The following PCSK5 variants were observed in gnomAD, a reference collection of about 807,000 sequenced individuals.
The protein encoded by PCSK5 is prohormone convertase 5.
A neutral mutation model predicts 233.2 loss-of-function variants in PCSK5; 129 were observed. The observed-to-expected ratio is 0.55, with a 90% confidence interval of 0.48 to 0.64. PCSK5 has a LOEUF of 0.64. PCSK5 is among the 30% of genes least tolerant of loss of function. The pLI is 0.00. For missense variants in PCSK5, 2,076 were observed against 2,430.1 expected, an observed-to-expected ratio of 0.85 and a Z score of 3.06; for synonymous variants, 825 against 879.2, an observed-to-expected ratio of 0.94 and a Z score of 1.09.
At chr9:75,992,814 G>A (rs1019311828) in intron 3 of PCSK5, among the ~76,000 whole-genome samples, 3 of 151,996 alleles carry the variant, frequency 2.0e-5, no homozygotes, top group African/African-American at 7.2e-5. Flanking sequence ...GCACTACCTC[G>A]GATTTCATGA....
chr9:76,335,563 A>G (rs1416738434), intron 34 of PCSK5, among the ~76,000 whole-genome samples: 1 of 152,188 alleles, frequency 6.6e-6, no homozygotes, highest in African/African-American at 2.4e-5. Flanking sequence ...ATGCTCTTCA[A>G]GGCTGGGAGG....
chr9:76,327,518 G>A (rs1277851472), intron 32 of PCSK5, among the ~76,000 whole-genome samples: 1 of 152,082 alleles, frequency 6.6e-6, no homozygotes, highest in Non-Finnish European at 1.5e-5. Flanking sequence ...CCCTCTCATA[G>A]GCACTATGTA....
rs1827639395 is a variant in PCSK5 at position 76,009,618 on chromosome 9, T to C, written c.412-14120T>C. On this transcript the variant is annotated intron_variant, in intron 3 of 37. Coordinates refer to ENST00000674117, the MANE Select transcript of PCSK5 (RefSeq NM_001372043.1). ...CTCCAGCCTGGCGACAGAGCGAGAC[T>C]CCGTCTCAAGGAAAAAAAAAAAAAC... Among the ~76,000 whole-genome samples the C allele has an allele frequency of 4.7e-5, 7 of 147,642 alleles. No individual in the cohort carries two copies. The South Asian group carries it at 1.5e-3, about 32-fold the overall frequency.
At chr9:76,235,480 T>TA (rs1826224885) in intron 22 of PCSK5, among the ~76,000 whole-genome samples, 1 of 150,398 alleles carries the variant, frequency 6.6e-6, no homozygotes. Context: ...ACATTTCTTC[T>TA]ATTTTTTTTT....
chr9:76,098,284 C>T (rs1007588976), intron 8 of PCSK5, among the ~76,000 whole-genome samples: 2 of 152,182 alleles, frequency 1.3e-5, no homozygotes, highest in Non-Finnish European at 2.9e-5. Context: ...GTACCTCCAA[C>T]ATTCATCAAT....
chr9:76,010,159 C>T (rs1361019349), intron 3 of PCSK5, among the ~76,000 whole-genome samples: 1 of 152,112 alleles, frequency 6.6e-6, no homozygotes, highest in African/African-American at 2.4e-5. Flanking sequence ...AATCAGGAGG[C>T]ACTTTCAGAG....
chr9:75,975,511 T>C (rs894801632), intron 2 of PCSK5, among the ~76,000 whole-genome samples: 3 of 152,158 alleles, frequency 2.0e-5, no homozygotes, highest in African/African-American at 7.2e-5. Flanking sequence ...TTTTTTATAC[T>C]AATCTCAGCT....
At chr9:75,932,303 A>C in intron 1 of PCSK5, 76 bp from the exon 2 acceptor site, 1 of 898,854 alleles carries the variant, frequency 1.1e-6, no homozygotes. Context: ...TTTAAATGAA[A>C]AACAGGAAAA....
At chr9:76,147,114 A>G (rs1334078436) in intron 10 of PCSK5, among the ~76,000 whole-genome samples, 2 of 152,156 alleles carry the variant, frequency 1.3e-5, no homozygotes, top group African/African-American at 4.8e-5. Flanking sequence ...TTTCATCTCA[A>G]CTCAGTCAAA....
At chr9:76,339,030 C>T (rs1037852248) in intron 35 of PCSK5, among the ~76,000 whole-genome samples, 4 of 151,498 alleles carry the variant, frequency 2.6e-5, no homozygotes, top group African/African-American at 7.3e-5. Context: ...TTCTCACTAC[C>T]CTCATCTTCC....
intron 7 of PCSK5, among the ~76,000 whole-genome samples, chr9:76,089,036 G>A (rs1358583890): frequency 6.6e-6 from 1 of 151,212 alleles, no homozygotes; most frequent in African/African-American, 2.4e-5. Context: ...GGAAATGCTA[G>A]TCAGAATGTC....
intron 24 of PCSK5, among the ~76,000 whole-genome samples, chr9:76,247,407 T>A (rs1826648770): frequency 6.6e-6 from 1 of 152,208 alleles, no homozygotes; most frequent in Non-Finnish European, 1.5e-5. Context: ...TATATCCTGA[T>A]CATTGTCCCT....
rs753864630 is a variant in PCSK5 at position 76,296,840 on chromosome 9, C to G, written c.3498C>G (p.Thr1166=). ...GGATGTGCGTGCATGCCACCAAGAC[C>G]CAGGAGGAGGGCAAATTCTGGAATG... ...LRGMCVHATK[T]QEEGKFWNEA... is the part of the protein sequence containing the mutation. The change falls in exon 27 of 38, where the codon ACC becomes ACG. Residue 1166 remains threonine, a synonymous_variant. Transcript: ENST00000674117. 1.5e-5 allele frequency: 24 copies of G among 1,611,416 alleles called. No homozygotes were observed. The highest frequency in any genetic ancestry group is 1.9e-5 in the Non-Finnish European group (23 of 1,179,510).
chr9:76,043,078 C>T (rs112654877), intron 5 of PCSK5, among the ~76,000 whole-genome samples: 1,782 of 152,084 alleles, frequency 0.012, 22 homozygotes, highest in Non-Finnish European at 0.017. Context: ...CAGGCGCCGT[C>T]GCTCACGCCT....
At chr9:76,312,681 A>G (rs1174930040) in intron 30 of PCSK5, among the ~76,000 whole-genome samples, 1 of 152,180 alleles carries the variant, frequency 6.6e-6, no homozygotes, top group East Asian at 1.9e-4. Context: ...GTAGAAAGCC[A>G]AGCATATTCA....
At chr9:75,942,689 T>C (rs1037912696) in intron 2 of PCSK5, among the ~76,000 whole-genome samples, 3 of 152,082 alleles carry the variant, frequency 2.0e-5, no homozygotes, top group Non-Finnish European at 4.4e-5. Context: ...TTAACAGACT[T>C]GTTCGAGGAA....
chr9:76,201,111 C>T (rs765657259), intron 20 of PCSK5, among the ~76,000 whole-genome samples: 2 of 152,202 alleles, frequency 1.3e-5, no homozygotes, highest in Non-Finnish European at 2.9e-5. Context: ...GTGATGTCCA[C>T]AGTCAGAGCA....
chr9:76,175,167 G>A, intron 14 of PCSK5, 38 bp downstream of exon 14: 6 of 1,603,914 alleles, frequency 3.7e-6, no homozygotes, highest in Non-Finnish European at 5.1e-6. Context: ...CTAAAAAGAG[G>A]CAGCTCATGC....
In PCSK5 at chr9:76,095,917, G is replaced by A. The variant is rs749356807; in HGVS notation, c.922G>A (p.Val308Ile). Residue 308 changes from valine (V) to isoleucine (I), a missense_variant, in exon 8 of 38, where the codon GTT (valine) becomes ATT (isoleucine). Val to Ile is a conservative substitution (Grantham distance 29). Transcript: ENST00000674117. ...GCGGAGAGGCCTCGGCTCTGTGTTT[G>A]TTTGGGCATCTGGAAATGGTGGAAG... ...MGRRGLGSVF[V>I]WASGNGGRSK... The A allele has an allele frequency of 6.2e-6, 10 of 1,614,110 alleles. No individual in the cohort carries two copies. In the East Asian group the frequency reaches 1.6e-4, roughly 25 times the overall value.
Sources: allele counts gnomAD v4.1 joint callset (sites outside exome capture counted in the v4.1 genomes callset), GRCh38; gene constraint gnomAD v4.1.1; transcripts MANE v1.5; gene names NCBI Gene and HGNC (gene_info 2026-07-23, HGNC 2026-07-21).